The following TASP1 variants were observed in gnomAD, a reference collection of about 807,000 sequenced individuals.
The protein encoded by TASP1 is threonine aspartase 1.
Under a neutral mutation model 56.6 loss-of-function variants are expected in TASP1, and 16 were observed. That is an observed-to-expected ratio of 0.28 (90% CI 0.19 to 0.43). The LOEUF (loss-of-function observed/expected upper bound fraction) is 0.43, where lower values mean the gene tolerates loss of function less well. Ranked by LOEUF, TASP1 falls within the 20% of genes least tolerant of loss-of-function variation. The probability of loss-of-function intolerance (pLI) is 1.00; values close to 1 mark genes in which losing one functional copy is unlikely to be tolerated. For missense variants in TASP1, 393 were observed against 511.6 expected, an observed-to-expected ratio of 0.77 and a Z score of 2.24; for synonymous variants, 179 against 184.2, an observed-to-expected ratio of 0.97 and a Z score of 0.23.
At chr20:13,619,098 C>A (rs2048623310) in intron 4 of TASP1, among the ~76,000 whole-genome samples, 1 of 152,146 alleles carries the variant, frequency 6.6e-6, no homozygotes, top group African/African-American at 2.4e-5. Flanking sequence ...TGGTCTTGAA[C>A]TCCTGACCTC....
rs908025415 is a variant in TASP1, at chr20:13,483,130, A to G, written c.985+97T>C. 15 of 807,652 alleles carry G rather than the reference A, an allele frequency of 1.9e-5. No individual in the cohort carries two copies. In the African/African-American group the frequency reaches 2.5e-4, roughly 13 times the overall value. The allele number at this position is 807,652 out of a possible 1,614,324, so 50.0% of individuals were successfully genotyped here. On this transcript the variant is annotated intron_variant, in intron 11 of 13. Transcript: ENST00000337743. ...TTTTCCTCTGCTAGACCCTAGAGGT[A>G]GGTCTAGAAATACAAATGGAGTACC...
At chr20:13,598,201 C>A (rs1230462146) in intron 4 of TASP1, among the ~76,000 whole-genome samples, 1 of 151,732 alleles carries the variant, frequency 6.6e-6, no homozygotes. Flanking sequence ...CATATGGAAC[C>A]AAAAAAAGAG....
At chr20:13,434,075 G>C (rs1040815803) in intron 12 of TASP1, among the ~76,000 whole-genome samples, 11 of 152,014 alleles carry the variant, frequency 7.2e-5, no homozygotes, top group African/African-American at 2.7e-4. Flanking sequence ...TGAGCATACT[G>C]TTTAACTTTG....
intron 4 of TASP1, among the ~76,000 whole-genome samples, chr20:13,596,163 G>A (rs1486230989): frequency 6.6e-6 from 1 of 151,824 alleles, no homozygotes; most frequent in Non-Finnish European, 1.5e-5. Flanking sequence ...ACCTGAGGTC[G>A]GGAGTTCGAG....
Position 13,596,389 on chromosome 20 carries a change from G to T in TASP1, c.283-9019C>A, listed in dbSNP as rs558146213. On this transcript the variant is annotated intron_variant, in intron 4 of 13. Coordinates refer to ENST00000337743, the MANE Select transcript of TASP1 (RefSeq NM_017714.3). ...AAACTCGTAAAAAAAAAAAAAAAAT[G>T]CACAATTACATGGAAATTGAACAAC... 3.3e-3 allele frequency among the ~76,000 whole-genome samples: 479 copies of T among 145,468 alleles called. 3 individuals are homozygous for T. The highest frequency in any genetic ancestry group is 0.011 in the African/African-American group (437 of 39,520).
intron 8 of TASP1, among the ~76,000 whole-genome samples, chr20:13,535,740 C>A (rs1270083672): frequency 6.6e-6 from 1 of 152,154 alleles, no homozygotes; most frequent in African/African-American, 2.4e-5. Context: ...CCTGGTGGTA[C>A]AAAACATGCC....
the TASP1 span, among the ~76,000 whole-genome samples, chr20:13,248,457 A>G: frequency 6.6e-6 from 1 of 152,226 alleles, no homozygotes; most frequent in Non-Finnish European, 1.5e-5. Context: ...CTTGCCTGAC[A>G]TACTGCTTCA....
chr20:13,514,635 T>C (rs2044455571), intron 10 of TASP1, among the ~76,000 whole-genome samples: 2 of 152,168 alleles, frequency 1.3e-5, no homozygotes, highest in Admixed American at 6.6e-5. Flanking sequence ...AATACCATTG[T>C]AGAATTTTAG....
At chr20:13,602,376 T>C (rs2047994653) in intron 4 of TASP1, among the ~76,000 whole-genome samples, 1 of 152,136 alleles carries the variant, frequency 6.6e-6, no homozygotes. Context: ...GATGGAACCC[T>C]GGAAGAGAAA....
chr20:13,588,260 A>AGGAAGGAC (rs2047382503), intron 4 of TASP1, among the ~76,000 whole-genome samples: 3 of 101,700 alleles, frequency 2.9e-5, no homozygotes, highest in Non-Finnish European at 6.2e-5. Flanking sequence ...AAAGGAAGGA[A>AGGAAGGAC]GGAAGGAAGG....
At chr20:13,534,612 G>T (rs1235400532) in intron 8 of TASP1, among the ~76,000 whole-genome samples, 2 of 152,034 alleles carry the variant, frequency 1.3e-5, no homozygotes, top group Non-Finnish European at 2.9e-5. Flanking sequence ...TAAGAAAATG[G>T]CATTTACAAT....
the TASP1 span, chr20:13,279,693 G>A: frequency 6.2e-7 from 1 of 1,614,014 alleles, no homozygotes; most frequent in South Asian, 1.1e-5. Flanking sequence ...AGCATCCGGA[G>A]AATAAGCCCA....
At chr20:13,144,931 C>T in the TASP1 span, among the ~76,000 whole-genome samples, 3 of 152,130 alleles carry the variant, frequency 2.0e-5, no homozygotes, top group Non-Finnish European at 2.9e-5. Context: ...CCCGCCACCA[C>T]GCCCAGCTAA....
At chr20:13,172,332 C>A in the TASP1 span, among the ~76,000 whole-genome samples, 1 of 151,978 alleles carries the variant, frequency 6.6e-6, no homozygotes, top group South Asian at 2.1e-4. Flanking sequence ...AAAGTAATTG[C>A]TTTTACTACT....
the TASP1 span, among the ~76,000 whole-genome samples, chr20:13,278,168 G>A: frequency 4.6e-5 from 7 of 152,196 alleles, no homozygotes; most frequent in East Asian, 1.9e-4. Flanking sequence ...AACCCAATGC[G>A]TCTTTTATTA....
At chr20:13,374,311 T>C in the TASP1 span, among the ~76,000 whole-genome samples, 1 of 151,928 alleles carries the variant, frequency 6.6e-6, no homozygotes, top group Non-Finnish European at 1.5e-5. Flanking sequence ...CAGAGAGAAA[T>C]AACAAGTCAC....
the TASP1 span, among the ~76,000 whole-genome samples, chr20:13,277,900 A>G: frequency 1.3e-5 from 2 of 152,142 alleles, no homozygotes; most frequent in African/African-American, 4.8e-5. Flanking sequence ...GCTGGGCAAC[A>G]TCATTTGAAG....
At chr20:13,482,086 G>T (rs190648447) in intron 11 of TASP1, among the ~76,000 whole-genome samples, 1 of 152,196 alleles carries the variant, frequency 6.6e-6, no homozygotes, top group African/African-American at 2.4e-5. Context: ...GTTTTGATTT[G>T]ATTTTTGTAT....
At chr20:13,520,112 G>C (rs374193259) in intron 10 of TASP1, among the ~76,000 whole-genome samples, 2 of 152,168 alleles carry the variant, frequency 1.3e-5, no homozygotes, top group South Asian at 4.1e-4. Context: ...ACTGCTCAAT[G>C]AAATAAAACA....
Sources: gnomAD v4.1 joint callset for allele counts (sites outside exome capture counted in the v4.1 genomes callset) on GRCh38, gnomAD v4.1.1 for gene constraint, MANE v1.5 for transcripts, NCBI Gene and HGNC (gene_info 2026-07-23, HGNC 2026-07-21) for gene names.